The following DENND1B variants were observed in gnomAD, a reference collection of about 807,000 sequenced individuals.
DENND1B encodes the protein DENN domain-containing protein 1B.
In DENND1B, 59 loss-of-function variants were observed where a neutral mutation model predicts 90.1. The ratio of observed to expected loss-of-function variants is 0.65; its 90% CI spans 0.53 to 0.81. The LOEUF is 0.81. Ranked by LOEUF, DENND1B falls within the 40% of genes least tolerant of loss-of-function variation. DENND1B has a pLI of 0.00. For synonymous variants in DENND1B, 337 were observed against 324.6 expected (o/e 1.04, Z -0.41); for missense variants, 862 against 912.6 (o/e 0.94, Z 0.71).
rs182181410 is a variant in DENND1B at position 197,752,777 on chromosome 1, T to A, written c.82+20091A>T. Among the ~76,000 whole-genome samples the A allele has an allele frequency of 6.6e-4, 101 of 152,072 alleles. 1 individual carries two copies. In the East Asian group the frequency reaches 9.1e-3, roughly 14 times the overall value. On this transcript the variant is annotated intron_variant, in intron 2 of 22. Coordinates refer to ENST00000620048, the MANE Select transcript of DENND1B (RefSeq NM_001195215.2). ...CATTTAGGTATATCACCTAATGTTA[T>A]CCTTCCCCCTCCCCGACCCCACGAC...
At chr1:197,608,937 A>C (rs1676936299) in intron 12 of DENND1B, among the ~76,000 whole-genome samples, 1 of 150,610 alleles carries the variant, frequency 6.6e-6, no homozygotes, top group Non-Finnish European at 1.5e-5. Context: ...AAATAATTCT[A>C]TTAATACATT....
intron 2 of DENND1B, among the ~76,000 whole-genome samples, chr1:197,749,840 T>C (rs998545535): frequency 6.6e-6 from 1 of 152,092 alleles, no homozygotes; most frequent in Admixed American, 6.6e-5. Flanking sequence ...GTTTTTTTGT[T>C]GTTGTTTGTT....
At chr1:197,643,749 T>G (rs901742767) in intron 9 of DENND1B, among the ~76,000 whole-genome samples, 3 of 152,236 alleles carry the variant, frequency 2.0e-5, no homozygotes, top group African/African-American at 7.2e-5. Context: ...ATTGATTCCT[T>G]AATTTAGCAC....
chr1:197,672,399 A>G (rs531979949), intron 4 of DENND1B, among the ~76,000 whole-genome samples: 1 of 152,198 alleles, frequency 6.6e-6, no homozygotes, highest in Admixed American at 6.6e-5. Context: ...CTAGGAAATC[A>G]TAAGGTAGTC....
intron 4 of DENND1B, among the ~76,000 whole-genome samples, chr1:197,672,824 A>T (rs148229114): frequency 1.7e-3 from 258 of 152,158 alleles, no homozygotes; most frequent in Middle Eastern, 3.4e-3. Context: ...CTACCATAAT[A>T]TGTGTCACAC....
At chr1:197,664,644 C>T (rs1361180687) in intron 5 of DENND1B, among the ~76,000 whole-genome samples, 1 of 151,982 alleles carries the variant, frequency 6.6e-6, no homozygotes, top group African/African-American at 2.4e-5. Flanking sequence ...GTCAGGTAAC[C>T]ACTAAAGTCT....
At chr1:197,586,311 G>C (rs1049399310) in intron 14 of DENND1B, among the ~76,000 whole-genome samples, 1 of 151,898 alleles carries the variant, frequency 6.6e-6, no homozygotes, top group South Asian at 2.1e-4. Context: ...AATTTTTTTA[G>C]GAATATAGCA....
In DENND1B at chr1:197,738,577, G is replaced by T. The variant is rs147005851; in HGVS notation, c.83-23503C>A. On this transcript the variant is annotated intron_variant, in intron 2 of 22. Coordinates refer to ENST00000620048, the MANE Select transcript of DENND1B (RefSeq NM_001195215.2). ...ACTTTTTGGCAGAAAGATGACAGAA[G>T]ATCCTCAGAACTTCCATGGTAACTA... Among the ~76,000 whole-genome samples the T allele has an allele frequency of 4.3e-3, 656 of 152,288 alleles. 8 individuals are homozygous for T. The highest frequency in any genetic ancestry group is 0.015 in the African/African-American group (614 of 41,566).
chr1:197,574,014 A>C (rs1011711805), intron 15 of DENND1B, among the ~76,000 whole-genome samples: 2 of 152,240 alleles, frequency 1.3e-5, no homozygotes, highest in Non-Finnish European at 2.9e-5. Flanking sequence ...AAAAACTGGA[A>C]GCATTCCCTC....
intron 15 of DENND1B, among the ~76,000 whole-genome samples, chr1:197,563,835 A>C (rs969950398): frequency 6.6e-6 from 1 of 151,984 alleles, no homozygotes; most frequent in Non-Finnish European, 1.5e-5. Flanking sequence ...TCATAGGAAG[A>C]GGTCAAAACA....
chr1:197,589,216 T>G (rs1674972860), intron 14 of DENND1B, among the ~76,000 whole-genome samples: 1 of 152,150 alleles, frequency 6.6e-6, no homozygotes, highest in Non-Finnish European at 1.5e-5. Context: ...ATCAGTGATA[T>G]ATAAATGGAA....
chr1:197,659,831 C>A (rs1166728059), intron 5 of DENND1B, among the ~76,000 whole-genome samples: 1 of 151,870 alleles, frequency 6.6e-6, no homozygotes, highest in Non-Finnish European at 1.5e-5. Context: ...TGGAATGAAA[C>A]CCACTACTAT....
intron 10 of DENND1B, among the ~76,000 whole-genome samples, chr1:197,625,513 A>G (rs1413824534): frequency 6.6e-6 from 1 of 152,136 alleles, no homozygotes; most frequent in African/African-American, 2.4e-5. Context: ...TCCTGAAGGA[A>G]GCACTAAACA....
chr1:197,548,578 G>A (rs1670985779), intron 16 of DENND1B, among the ~76,000 whole-genome samples: 1 of 152,106 alleles, frequency 6.6e-6, no homozygotes, highest in Non-Finnish European at 1.5e-5. Flanking sequence ...GTTCTATGAT[G>A]ATGTATTATT....
At chr1:197,771,741 A>G (rs1656644458) in intron 2 of DENND1B, among the ~76,000 whole-genome samples, 1 of 152,220 alleles carries the variant, frequency 6.6e-6, no homozygotes, top group Admixed American at 6.5e-5. Flanking sequence ...AGGATGGCCA[A>G]TCAGTCTCCA....
intron 3 of DENND1B, among the ~76,000 whole-genome samples, chr1:197,686,900 C>G (rs1247393842): frequency 6.6e-6 from 1 of 152,134 alleles, no homozygotes; most frequent in Admixed American, 6.6e-5. Context: ...AGCCAGAATG[C>G]TAGGTTCAGA....
intron 2 of DENND1B, among the ~76,000 whole-genome samples, chr1:197,750,539 A>C (rs979739626): frequency 6.6e-6 from 1 of 151,760 alleles, no homozygotes; most frequent in Non-Finnish European, 1.5e-5. Context: ...AATTAAAGGC[A>C]ATGATTGTTA....
chr1:197,607,140 A>G lies in DENND1B; in HGVS notation c.854T>C (p.Met285Thr), dbSNP rs774666196. The G allele has an allele frequency of 2.5e-6, 4 of 1,599,828 alleles. No homozygotes were observed. Among genetic ancestry groups the G allele is most frequent in the Non-Finnish European group, 3.4e-6 (4 of 1,172,792 alleles). ...TAATGTGTTTGTATCAACATTTAAC[A>G]TAACAACATCTTCCAATGATTTGTT... ...VKNKSLEDVV[M>T]LNVDTNTLES... Residue 285 changes from methionine to threonine, a missense_variant, in exon 13 of 23, where the codon ATG becomes ACG. Coordinates refer to ENST00000620048, the MANE Select transcript of DENND1B (RefSeq NM_001195215.2).
Position 197,545,920 on chromosome 1 carries a change from A to C in DENND1B, c.1350+2T>G. ...GGATTGTTAAATATCAAAAAAACTT[A>C]CAAATTTATATGCTGTCCGTACAGC... On this transcript the variant is annotated splice_donor_variant, in intron 18 of 22. Transcript: ENST00000620048. LOFTEE classifies it high-confidence loss of function. 3.7e-6 allele frequency: 6 copies of C among 1,600,424 alleles called. No homozygotes were observed. The highest frequency in any genetic ancestry group is 5.1e-6 in the Non-Finnish European group (6 of 1,176,418).
Sources: allele counts gnomAD v4.1 joint callset (sites outside exome capture counted in the v4.1 genomes callset), GRCh38; gene constraint gnomAD v4.1.1; transcripts MANE v1.5; gene names NCBI Gene and HGNC (gene_info 2026-07-23, HGNC 2026-07-21).